RGS7BP: variants seen among roughly 807,000 people sequenced by gnomAD.
The protein encoded by RGS7BP is regulator of G protein signaling 7 binding protein.
A neutral mutation model predicts 31.3 loss-of-function variants in RGS7BP; 9 were observed. The observed-to-expected ratio is 0.29, with a 90% CI of 0.17 to 0.50. The LOEUF is 0.50. Among genes scored for constraint, RGS7BP ranks in the 20% least tolerant of loss-of-function variants. The pLI is 0.98. For missense variants in RGS7BP, 274 were observed against 322.0 expected (o/e 0.85, Z 1.14); for synonymous variants, 115 against 120.1 (o/e 0.96, Z 0.28).
At chr5:64,509,552 T>C (rs1748778189) in intron 2 of RGS7BP, among the ~76,000 whole-genome samples, 2 of 152,008 alleles carry the variant, frequency 1.3e-5, no homozygotes, top group African/African-American at 4.8e-5. Flanking sequence ...GGATTTCAGG[T>C]GGATTTTTTT....
At chr5:64,601,658 C>T (rs1049614030) in intron 5 of RGS7BP, among the ~76,000 whole-genome samples, 8 of 152,306 alleles carry the variant, frequency 5.3e-5, no homozygotes, top group Non-Finnish European at 1.0e-4. Flanking sequence ...CTGTTCTTTC[C>T]CCTGCTTCAG....
At chr5:64,553,466 C>T (rs1741845409) in intron 2 of RGS7BP, among the ~76,000 whole-genome samples, 1 of 152,048 alleles carries the variant, frequency 6.6e-6, no homozygotes, top group Non-Finnish European at 1.5e-5. Flanking sequence ...GACACCATGC[C>T]CAGCCCCTTC....
intron 3 of RGS7BP, among the ~76,000 whole-genome samples, chr5:64,582,714 G>A (rs969803333): frequency 1.1e-4 from 16 of 152,184 alleles, no homozygotes; most frequent in African/African-American, 3.6e-4. Flanking sequence ...TGGGAGCTAA[G>A]AGCTCAAGAT....
chr5:64,581,392 C>T (rs150842042), intron 3 of RGS7BP, among the ~76,000 whole-genome samples: 22 of 152,244 alleles, frequency 1.4e-4, no homozygotes, highest in African/African-American at 5.1e-4. Context: ...GTCAATTTTT[C>T]ATTAGGATGA....
intron 2 of RGS7BP, among the ~76,000 whole-genome samples, chr5:64,550,284 C>T (rs1185154242): frequency 6.6e-6 from 1 of 152,192 alleles, no homozygotes; most frequent in Non-Finnish European, 1.5e-5. Context: ...GATCAGGATG[C>T]CAGCATAGTT....
At chr5:64,553,280 C>A (rs1465371722) in intron 2 of RGS7BP, among the ~76,000 whole-genome samples, 1 of 145,086 alleles carries the variant, frequency 6.9e-6, no homozygotes, top group African/African-American at 2.5e-5. Flanking sequence ...TCAAACAATT[C>A]TCCTGCCTCA....
chr5:64,602,591 CT>C (rs910728951), intron 5 of RGS7BP, among the ~76,000 whole-genome samples: 2 of 152,248 alleles, frequency 1.3e-5, no homozygotes, highest in African/African-American at 4.8e-5. Context: ...AAACCTGTCC[CT>C]TTCAACAGGG....
chr5:64,553,268 G>A (rs967617699), intron 2 of RGS7BP, among the ~76,000 whole-genome samples: 6 of 149,834 alleles, frequency 4.0e-5, no homozygotes, highest in Non-Finnish European at 7.4e-5. Context: ...TGTCTCTCAG[G>A]TTCAAACAAT....
At chr5:64,547,956 T>C (rs921204291) in intron 2 of RGS7BP, among the ~76,000 whole-genome samples, 15 of 152,142 alleles carry the variant, frequency 9.9e-5, no homozygotes, top group African/African-American at 3.6e-4. Flanking sequence ...TAAAACTGAC[T>C]ACTGATTCTT....
At chr5:64,570,670 C>T (rs576704712) in intron 2 of RGS7BP, among the ~76,000 whole-genome samples, 1 of 152,096 alleles carries the variant, frequency 6.6e-6, no homozygotes, top group African/African-American at 2.4e-5. Flanking sequence ...CTAAACTTGA[C>T]CTTACCAATT....
intron 3 of RGS7BP, among the ~76,000 whole-genome samples, chr5:64,593,789 G>A (rs1262856869): frequency 6.6e-6 from 1 of 152,152 alleles, no homozygotes; most frequent in Non-Finnish European, 1.5e-5. Flanking sequence ...GAATGAGTGA[G>A]TGAATGAATG....
rs1055212498 is a variant in RGS7BP, at chr5:64,611,278, T to C, written c.*2026T>C. On this transcript the variant is annotated 3_prime_UTR_variant, in exon 6 of 6. Transcript: ENST00000334025. ...TTTGGCAGCTCTCAGCACCTGCCTC[T>C]GCCCTCTCCTATACTTCAACTATAT... 7 of 152,268 alleles carry C rather than the reference T, an allele frequency of 4.6e-5. No individual in the cohort carries two copies. The highest frequency in any genetic ancestry group is 1.7e-4 in the African/African-American group (7 of 41,418). The allele number at this position is 152,268 out of a possible 1,614,324, so 9.4% of individuals were successfully genotyped here. A position where few individuals can be genotyped will look rare whatever the true frequency, so the allele number is the denominator to read the frequency against.
chr5:64,590,747 A>G (rs1742891532), intron 3 of RGS7BP, among the ~76,000 whole-genome samples: 1 of 151,488 alleles, frequency 6.6e-6, no homozygotes, highest in South Asian at 2.1e-4. Flanking sequence ...TAAAAACATA[A>G]TAATTAAAAT....
At chr5:64,552,421 T>C (rs1741818848) in intron 2 of RGS7BP, among the ~76,000 whole-genome samples, 1 of 152,196 alleles carries the variant, frequency 6.6e-6, no homozygotes, top group South Asian at 2.1e-4. Context: ...TTATTTAACT[T>C]ATGAAGTAGA....
At position 64,506,423 on chromosome 5, in the gene RGS7BP, C is replaced by A; in HGVS notation, c.-202C>A. 1 of 427,082 alleles carries A rather than the reference C, an allele frequency of 2.3e-6. No homozygotes were observed. Among genetic ancestry groups the A allele is most frequent in the Non-Finnish European group, 4.1e-6 (1 of 242,414 alleles). The allele number at this position is 427,082 out of a possible 1,614,324, so 26.5% of individuals were successfully genotyped here. On this transcript the variant is annotated 5_prime_UTR_variant, in exon 1 of 6. Transcript: ENST00000334025. This position sits in a 1 kb window ranked among gnomAD's most constrained non-coding sequence, Gnocchi z 4.6. ...GCTCCTTCCTCGCTGCTAGTGGAAG[C>A]GATGCTGCACGGCACAGCTAGCGCT...
intron 2 of RGS7BP, among the ~76,000 whole-genome samples, chr5:64,525,967 G>C (rs970015460): frequency 5.3e-5 from 8 of 152,230 alleles, no homozygotes; most frequent in Non-Finnish European, 1.0e-4. Context: ...CCATAAGGGA[G>C]AAGGGAATCT....
intron 2 of RGS7BP, among the ~76,000 whole-genome samples, chr5:64,520,262 G>A (rs2111897156): frequency 6.6e-6 from 1 of 152,174 alleles, no homozygotes; most frequent in African/African-American, 2.4e-5. Flanking sequence ...CCACAGGATT[G>A]CTTTCCTTCT....
intron 2 of RGS7BP, among the ~76,000 whole-genome samples, chr5:64,513,847 C>A (rs987767468): frequency 4.6e-5 from 7 of 152,158 alleles, no homozygotes; most frequent in Admixed American, 2.0e-4. Context: ...TATGTCTATA[C>A]CAAAAGAATA....
At chr5:64,510,125 G>A (rs903338237) in intron 2 of RGS7BP, among the ~76,000 whole-genome samples, 5 of 152,264 alleles carry the variant, frequency 3.3e-5, no homozygotes, top group South Asian at 2.1e-4. Context: ...GGTTTTTGGC[G>A]AAATTTAGAG....
Sources: allele counts gnomAD v4.1 joint callset (sites outside exome capture counted in the v4.1 genomes callset), GRCh38; gene constraint gnomAD v4.1.1; non-coding constraint Gnocchi (gnomAD v3.1); transcripts MANE v1.5; gene names NCBI Gene and HGNC (gene_info 2026-07-23, HGNC 2026-07-21).